The following KCNH7 variants were observed in gnomAD, a reference collection of about 807,000 sequenced individuals.
The protein encoded by KCNH7 is voltage-gated inwardly rectifying potassium channel KCNH7.
Under a neutral mutation model 120.8 loss-of-function variants are expected in KCNH7, and 49 were observed. The observed-to-expected ratio is 0.41, with a 90% CI of 0.32 to 0.51. The LOEUF is 0.51. Ranked by LOEUF, KCNH7 falls within the 20% of genes least tolerant of loss-of-function variation. The pLI is 0.38. For synonymous variants in KCNH7, 547 were observed against 516.1 expected (o/e 1.06, Z -0.81); for missense variants, 1,097 against 1,446.6 (o/e 0.76, Z 3.92).
At chr2:162,386,886 A>G (rs1686589676) in intron 12 of KCNH7, among the ~76,000 whole-genome samples, 1 of 151,688 alleles carries the variant, frequency 6.6e-6, no homozygotes, top group Non-Finnish European at 1.5e-5. Context: ...AACAAGATTC[A>G]CCAGTTAACA....
chr2:162,536,943 G>A lies in KCNH7; in HGVS notation c.445C>T (p.Pro149Ser), dbSNP rs746987505. The A allele has an allele frequency of 6.2e-7, 1 of 1,612,456 alleles. No homozygotes were observed. The highest frequency in any genetic ancestry group is 8.5e-7 in the Non-Finnish European group (1 of 1,178,910). The change falls in exon 3 of 16, where the codon CCA becomes TCA. Residue 149 changes from proline to serine, a missense_variant. This residue lies in a region of KCNH7 where 362 missense variants were observed against 372.2 expected (regional missense o/e 0.97). Transcript: ENST00000332142. ...ATPERVNPIL[P>S]IKTVNRKFFG... ...TACTTACGGTTTACAGTTTTGATTG[G>A]TAATATTGGGTTTACCCTCTCTGGG...
chr2:162,392,758 A>T (rs1686781891), intron 12 of KCNH7, among the ~76,000 whole-genome samples: 1 of 152,028 alleles, frequency 6.6e-6, no homozygotes, highest in Non-Finnish European at 1.5e-5. Flanking sequence ...GAGTGATGGG[A>T]GTAGTTAAGG....
intron 2 of KCNH7, among the ~76,000 whole-genome samples, chr2:162,719,985 G>A (rs1269751508): frequency 6.6e-6 from 1 of 151,990 alleles, no homozygotes; most frequent in Non-Finnish European, 1.5e-5. Flanking sequence ...ATCTCAATCT[G>A]AGTTTCTGTT....
intron 6 of KCNH7, among the ~76,000 whole-genome samples, chr2:162,499,248 G>A (rs1690596100): frequency 1.3e-5 from 2 of 152,192 alleles, no homozygotes; most frequent in African/African-American, 4.8e-5. Context: ...TTAAAAGGGG[G>A]CAAATATAGC....
chr2:162,756,589 T>G (rs1322238836), intron 2 of KCNH7, among the ~76,000 whole-genome samples: 2 of 152,126 alleles, frequency 1.3e-5, no homozygotes, highest in Non-Finnish European at 2.9e-5. Flanking sequence ...CTCAGCTTCC[T>G]GAATAGCTGG....
At chr2:162,571,128 A>C (rs1191669357) in intron 2 of KCNH7, among the ~76,000 whole-genome samples, 5 of 151,642 alleles carry the variant, frequency 3.3e-5, no homozygotes, top group African/African-American at 1.2e-4. Context: ...AGATGACATG[A>C]TTGTATATCT....
rs184363590 is a variant in KCNH7 at position 162,381,852 on chromosome 2, G to A, written c.2963-1831C>T. Reference sequence around the variant, plus strand: ...GAAGTATGATTTGTTATTCACAGACGTTTGAACCTGTTTAAAATGCAAAAC... The same window carrying A: ...GAAGTATGATTTGTTATTCACAGACATTTGAACCTGTTTAAAATGCAAAAC... On this transcript the variant is annotated intron_variant, in intron 13 of 15. Transcript: ENST00000332142. Among the ~76,000 whole-genome samples, 33 of 152,144 alleles carry A rather than the reference G, an allele frequency of 2.2e-4. 1 individual carries two copies. In the East Asian group the frequency reaches 5.4e-3, roughly 25 times the overall value.
chr2:162,537,465 AAAAATGAAGG>A (rs1467808737), intron 2 of KCNH7, among the ~76,000 whole-genome samples: 2 of 152,058 alleles, frequency 1.3e-5, no homozygotes, highest in African/African-American at 4.8e-5. Flanking sequence ...TAGCTGTATA[AAAAATGAAGG>A]CAACTCATGT....
chr2:162,700,375 C>T (rs1229381474), intron 2 of KCNH7, among the ~76,000 whole-genome samples: 8 of 152,132 alleles, frequency 5.3e-5, no homozygotes, highest in African/African-American at 1.9e-4. Flanking sequence ...TGACTGACCT[C>T]GTGACTGGAA....
intron 9 of KCNH7, among the ~76,000 whole-genome samples, chr2:162,420,374 T>TCAAAAA (rs774990501): frequency 4.7e-4 from 71 of 152,212 alleles, no homozygotes; most frequent in East Asian, 4.3e-3. Context: ...AGACTCCATC[T>TCAAAAA]CAAAAACAAA....
chr2:162,404,929 C>G (rs978168691), intron 9 of KCNH7, among the ~76,000 whole-genome samples: 1 of 152,038 alleles, frequency 6.6e-6, no homozygotes, highest in East Asian at 1.9e-4. Flanking sequence ...ACAGGGATAA[C>G]CTGAATTTCC....
Position 162,537,054 on chromosome 2 carries a change from T to C in KCNH7, c.334A>G (p.Ile112Val). ...CCCTCTTGGTTTTTCACTGGAATTA[T>C]GTGAGTGTTACAAATAAAAGTGGAC... ...NGSTFICNTH[I>V]IPVKNQEGVA... Residue 112 changes from isoleucine (I) to valine (V), a missense_variant, in exon 3 of 16, where the codon ATA becomes GTA. Physicochemically the swap from Ile to Val is conservative, Grantham distance 29. Coordinates refer to ENST00000332142, the MANE Select transcript of KCNH7 (RefSeq NM_033272.4). 1.9e-6 allele frequency: 3 copies of C among 1,612,398 alleles called. No individual in the cohort carries two copies. The highest frequency in any genetic ancestry group is 2.2e-5 in the East Asian group (1 of 44,776).
At chr2:162,737,832 A>T (rs541383353) in intron 2 of KCNH7, among the ~76,000 whole-genome samples, 14 of 152,218 alleles carry the variant, frequency 9.2e-5, no homozygotes, top group Admixed American at 7.8e-4. Flanking sequence ...TGGGAGGTAG[A>T]GGTGGGTGGA....
At chr2:162,435,085 T>C (rs1688194220) in intron 8 of KCNH7, 113 bp downstream of exon 8, 1 of 988,626 alleles carries the variant, frequency 1.0e-6, no homozygotes. Context: ...GTAATCCCAT[T>C]ATCTCCTCAA....
intron 6 of KCNH7, among the ~76,000 whole-genome samples, chr2:162,471,895 G>T (rs1242308840): frequency 1.3e-5 from 2 of 152,106 alleles, no homozygotes; most frequent in Non-Finnish European, 2.9e-5. Flanking sequence ...CAGAGATATA[G>T]ACCAATGGAA....
chr2:162,606,751 A>G (rs1346339801), intron 2 of KCNH7, among the ~76,000 whole-genome samples: 1 of 152,232 alleles, frequency 6.6e-6, no homozygotes, highest in Non-Finnish European at 1.5e-5. Context: ...TATCTTGAGA[A>G]GAAATGTGAC....
chr2:162,688,518 A>T (rs1209388214), intron 2 of KCNH7, among the ~76,000 whole-genome samples: 1 of 152,144 alleles, frequency 6.6e-6, no homozygotes, highest in Non-Finnish European at 1.5e-5. Context: ...GCACATGAAA[A>T]CACAGTAGTC....
At chr2:162,520,684 G>A (rs1233606477) in intron 3 of KCNH7, among the ~76,000 whole-genome samples, 1 of 151,824 alleles carries the variant, frequency 6.6e-6, no homozygotes, top group African/African-American at 2.4e-5. Context: ...TGGGAGGATA[G>A]ATTGAGCCTA....
At chr2:162,609,850 T>C (rs1399939588) in intron 2 of KCNH7, among the ~76,000 whole-genome samples, 3 of 152,140 alleles carry the variant, frequency 2.0e-5, no homozygotes, top group Non-Finnish European at 4.4e-5. Context: ...CATAACACTC[T>C]GGGGACGGGT....
Sources: allele counts gnomAD v4.1 joint callset (sites outside exome capture counted in the v4.1 genomes callset), GRCh38; gene constraint gnomAD v4.1.1; regional missense constraint gnomAD v4.1.1; transcripts MANE v1.5; gene names NCBI Gene and HGNC (gene_info 2026-07-23, HGNC 2026-07-21).